The following PCSK6 variants were observed in gnomAD, a reference collection of about 807,000 sequenced individuals.
PCSK6 encodes the protein proprotein convertase subtilisin/kexin type 6.
PCSK6 carries 85 observed loss-of-function variants against 123.3 expected under a neutral mutation model. The ratio of observed to expected loss-of-function variants is 0.69; its 90% confidence interval spans 0.58 to 0.83. The LOEUF (loss-of-function observed/expected upper bound fraction) is 0.83. PCSK6 is among the 40% of genes least tolerant of loss of function. The probability of loss-of-function intolerance (pLI) is 0.00; values close to 1 mark genes in which losing one functional copy is unlikely to be tolerated. For missense variants in PCSK6, 1,191 were observed against 1,282.3 expected (o/e 0.93, Z 1.09); for synonymous variants, 508 against 516.0 (o/e 0.98, Z 0.21).
At chr15:101,336,135 G>T (rs1213608483) in intron 13 of PCSK6, among the ~76,000 whole-genome samples, 1 of 152,244 alleles carries the variant, frequency 6.6e-6, no homozygotes, top group Non-Finnish European at 1.5e-5. Context: ...CTTGAGGTGA[G>T]CAGAGCAAGG....
intron 1 of PCSK6, among the ~76,000 whole-genome samples, chr15:101,476,189 A>T (rs913155265): frequency 1.3e-5 from 2 of 152,250 alleles, no homozygotes; most frequent in African/African-American, 4.8e-5. Context: ...TAAATGAGTC[A>T]ATACAAGGAA....
intron 1 of PCSK6, among the ~76,000 whole-genome samples, chr15:101,477,795 C>G (rs919082356): frequency 6.6e-5 from 10 of 152,326 alleles, no homozygotes; most frequent in African/African-American, 2.4e-4. Flanking sequence ...TGCCTCCCAG[C>G]AGGCAGGAAA....
chr15:101,305,388 G>A lies in PCSK6; in HGVS notation c.2813-33C>T. On this transcript the variant is annotated intron_variant, in intron 21 of 21. Transcript: ENST00000611716. The surrounding 1 kb of genome is among the most constrained non-coding windows in gnomAD (Gnocchi z 4.8). ...CCCGCATCAGGAAAGGCAAAAGAGG[G>A]AAAGGTCAGTCTTCGGTGCCTGTGA... The A allele has an allele frequency of 1.9e-6, 3 of 1,573,946 alleles. No homozygotes were observed. Among genetic ancestry groups the A allele is most frequent in the Non-Finnish European group, 2.6e-6 (3 of 1,151,396 alleles).
intron 6 of PCSK6, among the ~76,000 whole-genome samples, chr15:101,419,360 A>G (rs555343426): frequency 1.2e-4 from 19 of 152,308 alleles, no homozygotes; most frequent in African/African-American, 2.2e-4. Context: ...TCTAATAAGA[A>G]ATGTATAAAA....
chr15:101,349,065 T>C (rs2040823589), intron 13 of PCSK6, among the ~76,000 whole-genome samples: 1 of 152,222 alleles, frequency 6.6e-6, no homozygotes, highest in South Asian at 2.1e-4. Context: ...ACTTTCAGGT[T>C]TCTGGGAAGG....
At chr15:101,311,418 T>C (rs1474598486) in intron 20 of PCSK6, among the ~76,000 whole-genome samples, 1 of 151,770 alleles carries the variant, frequency 6.6e-6, no homozygotes, top group Non-Finnish European at 1.5e-5. Context: ...TGAGCCACCG[T>C]GCCCGGCCTC....
chr15:101,347,400 C>A (rs960708458), intron 13 of PCSK6: 10 of 1,236,434 alleles, frequency 8.1e-6, no homozygotes, highest in Non-Finnish European at 1.0e-5. Flanking sequence ...ATCAAGAATT[C>A]ATGGAACTTT....
chr15:101,482,690 G>C (rs374388395), intron 1 of PCSK6, among the ~76,000 whole-genome samples: 2 of 152,258 alleles, frequency 1.3e-5, no homozygotes, highest in Admixed American at 6.5e-5. Flanking sequence ...CCCATCGACA[G>C]CTCCGTGTTT....
In PCSK6 at chr15:101,331,975, T is replaced by C; in HGVS notation, c.1915A>G (p.Thr639Ala). Reference protein sequence around the residue: ...LYGTAEHPYHTFSAHQSRSRM... With the variant: ...LYGTAEHPYHAFSAHQSRSRM... ...GAGCGGGACTGATGGGCACTGAAGG[T>C]GTGGTACGGGTGCTCTGCTGTGCCA... The change falls in exon 14 of 22, where the codon ACC (threonine) becomes GCC (alanine). Residue 639 changes from threonine (T) to alanine (A), a missense_variant. Thr to Ala is a moderately conservative substitution (Grantham distance 58). Transcript: ENST00000611716. The C allele has an allele frequency of 6.2e-7, 1 of 1,613,730 alleles. No individual in the cohort carries two copies. The highest frequency in any genetic ancestry group is 8.5e-7 in the Non-Finnish European group (1 of 1,179,788).
At chr15:101,373,692 T>C (rs2141477061) in intron 11 of PCSK6, among the ~76,000 whole-genome samples, 1 of 152,280 alleles carries the variant, frequency 6.6e-6, no homozygotes. Context: ...CTATCAAAAG[T>C]CATCACTTTA....
intron 13 of PCSK6, among the ~76,000 whole-genome samples, chr15:101,348,320 C>A (rs538753734): frequency 1.3e-5 from 2 of 152,368 alleles, no homozygotes; most frequent in Non-Finnish European, 2.9e-5. Context: ...GGCCTGACGA[C>A]AGCAGGGCTG....
intron 1 of PCSK6, among the ~76,000 whole-genome samples, chr15:101,483,864 T>A (rs956585600): frequency 6.6e-6 from 1 of 152,230 alleles, no homozygotes; most frequent in African/African-American, 2.4e-5. Context: ...AGTCTGGACA[T>A]CTAAAGTAGG....
At chr15:101,363,256 G>C (rs1051742554) in intron 13 of PCSK6, among the ~76,000 whole-genome samples, 2 of 152,222 alleles carry the variant, frequency 1.3e-5, no homozygotes, top group Non-Finnish European at 2.9e-5. Context: ...GACATGGGTA[G>C]GGCTCGTTGT....
intron 13 of PCSK6, among the ~76,000 whole-genome samples, chr15:101,343,891 C>T: frequency 6.6e-6 from 1 of 152,082 alleles, no homozygotes. Flanking sequence ...AGTTCGAGAC[C>T]AGCCTGGCCA....
chr15:101,349,965 G>T (rs958848188), intron 13 of PCSK6, among the ~76,000 whole-genome samples: 9 of 152,060 alleles, frequency 5.9e-5, no homozygotes, highest in Non-Finnish European at 1.2e-4. Context: ...CTGGAGTGCA[G>T]TGGCACAATC....
At chr15:101,481,377 C>T (rs762537818) in intron 1 of PCSK6, among the ~76,000 whole-genome samples, 4 of 150,934 alleles carry the variant, frequency 2.7e-5, no homozygotes, top group Admixed American at 6.6e-5. Flanking sequence ...GGCTGAGGGG[C>T]GAACCTGGTG....
chr15:101,367,741 T>A (rs893177477), intron 12 of PCSK6, among the ~76,000 whole-genome samples: 1 of 152,254 alleles, frequency 6.6e-6, no homozygotes, highest in African/African-American at 2.4e-5. Flanking sequence ...AAATTCTTGA[T>A]ACAATCACAA....
chr15:101,402,972 A>G (rs1056584606), intron 6 of PCSK6, among the ~76,000 whole-genome samples: 39 of 152,140 alleles, frequency 2.6e-4, no homozygotes, highest in Non-Finnish European at 4.9e-4. Context: ...ACACGCACAC[A>G]TATGTTTATT....
At chr15:101,442,464 T>C (rs2056780617) in intron 2 of PCSK6, among the ~76,000 whole-genome samples, 1 of 152,078 alleles carries the variant, frequency 6.6e-6, no homozygotes. Context: ...ACCCTCACCA[T>C]GCGATGCCCC....
Sources: allele counts gnomAD v4.1 joint callset (sites outside exome capture counted in the v4.1 genomes callset), GRCh38; gene constraint gnomAD v4.1.1; non-coding constraint Gnocchi (gnomAD v3.1); transcripts MANE v1.5; gene names NCBI Gene and HGNC (gene_info 2026-07-23, HGNC 2026-07-21).